Variants in CCDC47 observed in about 807,000 individuals in gnomAD.
CCDC47 encodes coiled-coil domain containing 47.
Under a neutral mutation model 60.5 loss-of-function variants are expected in CCDC47, and 41 were observed. The observed-to-expected ratio is 0.68, with a 90% CI of 0.53 to 0.88. CCDC47 has a LOEUF of 0.88. Ranked by LOEUF, CCDC47 falls within the 40% of genes least tolerant of loss-of-function variation. CCDC47 has a pLI of 0.00. For missense variants in CCDC47, 513 were observed against 580.9 expected (o/e 0.88, Z 1.20); for synonymous variants, 195 against 190.7 (o/e 1.02, Z -0.18).
intron 9 of CCDC47, chr17:63,753,323 G>T: frequency 2.2e-6 from 1 of 449,692 alleles, no homozygotes; most frequent in Non-Finnish European, 2.9e-6. Flanking sequence ...ACTATCAATT[G>T]CCCTCCATCT....
intron 1 of CCDC47, among the ~76,000 whole-genome samples, chr17:63,770,164 T>C (rs1412299574): frequency 1.3e-5 from 2 of 152,114 alleles, no homozygotes; most frequent in Non-Finnish European, 2.9e-5. Flanking sequence ...GGTTTCACCA[T>C]GTTGGCCAGG....
In CCDC47 at chr17:63,766,036, T is replaced by C; in HGVS notation, c.140A>G (p.Glu47Gly). 2 of 1,614,080 alleles carry C rather than the reference T, an allele frequency of 1.2e-6. No individual in the cohort carries two copies. The highest frequency in any genetic ancestry group is 2.7e-5 in the African/African-American group (2 of 75,024). Residue 47 changes from glutamate to glycine, a missense_variant, in exon 2 of 13, where the codon GAA becomes GGA. Transcript: ENST00000225726. Reference sequence around the variant, plus strand: ...TTGAGGAGATTCAGTAACAGAGTCTTCCATGACATCCTCAAATTCAGCGAA... The same window carrying C: ...TTGAGGAGATTCAGTAACAGAGTCTCCCATGACATCCTCAAATTCAGCGAA... ...NDFAEFEDVM[E>G]DSVTESPQRV... is the part of the protein sequence containing the mutation.
rs746043253 is a variant in CCDC47, at chr17:63,766,086, GTCC to G, written c.87_89del (p.Glu29del). 1.2e-6 allele frequency: 2 copies of G among 1,613,732 alleles called. No homozygotes were observed. Among genetic ancestry groups the G allele is most frequent in the South Asian group, 1.1e-5 (1 of 91,064 alleles). On this transcript the variant is annotated inframe_deletion, in exon 2 of 13. Transcript: ENST00000225726. ...AGTCATTATCATCATACTCTACTAT[GTCC>G]TCCTCATCCTCAAAATCATCAAACT...
At position 63,745,920 on chromosome 17, in the gene CCDC47, T is replaced by C. The variant is rs1452814169; in HGVS notation, c.*961A>G. Reference sequence around the variant, plus strand: ...TCAAAAGTATACTTACACATATTCATGGCCATTTCTTTGAAAGAACATACC... The same window carrying C: ...TCAAAAGTATACTTACACATATTCACGGCCATTTCTTTGAAAGAACATACC... On this transcript the variant is annotated 3_prime_UTR_variant, in exon 13 of 13. Transcript: ENST00000225726. 1 of 152,198 alleles carries C rather than the reference T, an allele frequency of 6.6e-6. No individual in the cohort carries two copies. The highest frequency in any genetic ancestry group is 2.4e-5 in the African/African-American group (1 of 41,468). The allele number at this position is 152,198 out of a possible 1,614,324, so 9.4% of individuals were successfully genotyped here.
chr17:63,761,598 G>A (rs534426349), intron 4 of CCDC47: 7 of 260,118 alleles, frequency 2.7e-5, no homozygotes, highest in Non-Finnish European at 5.0e-5. Context: ...TCAGGAGGCT[G>A]AGGCAGGAGA....
In CCDC47 at chr17:63,761,364, C is replaced by A; in HGVS notation, c.548-13G>T. The A allele has an allele frequency of 6.2e-7, 1 of 1,613,434 alleles. No individual in the cohort carries two copies. The highest frequency in any genetic ancestry group is 8.5e-7 in the Non-Finnish European group (1 of 1,179,776). On this transcript the variant is annotated splice_polypyrimidine_tract_variant and intron_variant, in intron 4 of 12. Coordinates refer to ENST00000225726, the MANE Select transcript of CCDC47 (RefSeq NM_020198.3). ...GTTCCATCATCCCCTAGGGGTAAAA[C>A]CACTTAATGTGACTCAACAGAAAAT...
In CCDC47 at chr17:63,764,789, T is replaced by C; in HGVS notation, c.323A>G (p.Lys108Arg). 6.2e-7 allele frequency: 1 copy of C among 1,613,744 alleles called. No homozygotes were observed. The highest frequency in any genetic ancestry group is 8.5e-7 in the Non-Finnish European group (1 of 1,179,948). Reference protein sequence around the residue: ...DDEEFEGYEDKPDTSSSKNKD... With the variant: ...DDEEFEGYEDRPDTSSSKNKD... ...ATTTTTGCTAGAAGAAGTATCTGGT[T>C]TGTCTTCATAACCTTCAAATTCTTC... Residue 108 changes from lysine to arginine, a missense_variant, in exon 3 of 13, where the codon AAA becomes AGA. Transcript: ENST00000225726.
chr17:63,747,556 G>A, intron 12 of CCDC47: 19 of 984,644 alleles, frequency 1.9e-5, no homozygotes, highest in Non-Finnish European at 2.2e-5. Context: ...AGAAGGTTCA[G>A]GTTATTATTA....
chr17:63,758,622 T>C (rs1195542665), intron 6 of CCDC47, among the ~76,000 whole-genome samples: 3 of 152,138 alleles, frequency 2.0e-5, no homozygotes, highest in Admixed American at 6.5e-5. Flanking sequence ...CTGTTTGTAT[T>C]GGAAAACAGT....
Position 63,750,375 on chromosome 17 carries a change from C to CA in CCDC47, c.1371+1564dup, listed in dbSNP as rs572455179. On this transcript the variant is annotated intron_variant, in intron 12 of 12. Transcript: ENST00000225726. Reference sequence around the variant, plus strand: ...TATCACTAAACCAAGTCAAATAAAACAAAAAAATGATAAAAGGGGTAAGAT... The same window carrying CA: ...TATCACTAAACCAAGTCAAATAAAACAAAAAAAATGATAAAAGGGGTAAGAT... Among the ~76,000 whole-genome samples, 665 of 151,962 alleles carry CA rather than the reference C, an allele frequency of 4.4e-3. 6 individuals carry two copies. The highest frequency in any genetic ancestry group is 4.8e-3 in the Non-Finnish European group (329 of 67,914).
chr17:63,764,955 G>A, intron 2 of CCDC47, 108 bp from the exon 3 acceptor site: 1 of 1,484,724 alleles, frequency 6.7e-7, no homozygotes. Context: ...TAAGCAGCAA[G>A]CACAGAAAAC....
intron 12 of CCDC47, chr17:63,747,574 T>C: frequency 1.0e-6 from 1 of 984,988 alleles, no homozygotes; most frequent in Non-Finnish European, 1.2e-6. Context: ...TTACGTGGAC[T>C]GATAGAAGCC....
intron 1 of CCDC47, among the ~76,000 whole-genome samples, chr17:63,767,826 C>A (rs2039308173): frequency 6.6e-6 from 1 of 152,130 alleles, no homozygotes; most frequent in African/African-American, 2.4e-5. Context: ...ATCTGAATTT[C>A]TCTATTCGTA....
intron 8 of CCDC47, among the ~76,000 whole-genome samples, chr17:63,755,137 AT>A (rs1363556117): frequency 3.3e-5 from 5 of 151,976 alleles, no homozygotes; most frequent in African/African-American, 4.8e-5. Flanking sequence ...CACCTGGCTA[AT>A]TTTTTTATTG....
At position 63,745,823 on chromosome 17, in the gene CCDC47, A is replaced by G. The variant is rs2039116360; in HGVS notation, c.*1058T>C. ...ACAAGCTAAGTGCTCGTGCAGATAC[A>G]TGGGCCTCTCCTCCAAGAGTTGGTT... On this transcript the variant is annotated 3_prime_UTR_variant, in exon 13 of 13. Coordinates refer to ENST00000225726, the MANE Select transcript of CCDC47 (RefSeq NM_020198.3). 1 of 152,266 alleles carries G rather than the reference A, an allele frequency of 6.6e-6. No individual in the cohort carries two copies. The highest frequency in any genetic ancestry group is 2.1e-4 in the South Asian group (1 of 4,838). 9.4% of individuals were successfully genotyped at this position (152,266 alleles called of 1,614,324 possible).
chr17:63,771,649 C>T (rs928647168), intron 1 of CCDC47, among the ~76,000 whole-genome samples: 2 of 152,158 alleles, frequency 1.3e-5, no homozygotes, highest in African/African-American at 2.4e-5. Flanking sequence ...GTCTTCAGTC[C>T]TCTAAATTAC....
At chr17:63,772,033 G>A (rs1489568869) in intron 1 of CCDC47, among the ~76,000 whole-genome samples, 2 of 152,026 alleles carry the variant, frequency 1.3e-5, no homozygotes, top group African/African-American at 2.4e-5. Flanking sequence ...AGTGAGCCAA[G>A]ATTGCGCCAC....
At chr17:63,762,367 A>G (rs1443706217) in intron 4 of CCDC47, 11 of 397,766 alleles carry the variant, frequency 2.8e-5, no homozygotes, top group Non-Finnish European at 3.8e-5. Flanking sequence ...GGACTTTGCA[A>G]ACAGGTAGAT....
At position 63,749,717 on chromosome 17, in the gene CCDC47, C is replaced by T. The variant is rs1374244100; in HGVS notation, c.1371+2223G>A. ...CGAGCTGAGATCGCGCCACTGCACT[C>T]CAGCCTGGTGAAAGAGCGAGACTCT... On this transcript the variant is annotated intron_variant, in intron 12 of 12. Coordinates refer to ENST00000225726, the MANE Select transcript of CCDC47 (RefSeq NM_020198.3). Among the ~76,000 whole-genome samples the T allele has an allele frequency of 2.0e-5, 3 of 151,740 alleles. No homozygotes were observed. In the East Asian group the frequency reaches 5.8e-4, roughly 29 times the overall value.
Sources: gnomAD v4.1 joint callset for allele counts (sites outside exome capture counted in the v4.1 genomes callset) on GRCh38, gnomAD v4.1.1 for gene constraint, MANE v1.5 for transcripts, NCBI Gene and HGNC (gene_info 2026-07-23, HGNC 2026-07-21) for gene names.